Variants in PRDM16 observed in about 807,000 individuals in gnomAD.
PRDM16 encodes the protein histone-lysine N-methyltransferase PRDM16.
A neutral mutation model predicts 110.6 loss-of-function variants in PRDM16; 23 were observed. The observed-to-expected ratio is 0.21, with a 90% confidence interval of 0.15 to 0.29. The LOEUF (loss-of-function observed/expected upper bound fraction) is 0.29, where lower values mean the gene tolerates loss of function less well. PRDM16 is among the 10% of genes least tolerant of loss of function. The pLI is 1.00. For missense variants in PRDM16, 1,615 were observed against 1,794.3 expected, an observed-to-expected ratio of 0.90 and a Z score of 1.81; for synonymous variants, 799 against 781.8, an observed-to-expected ratio of 1.02 and a Z score of -0.37.
chr1:3,265,704 A>T lies in PRDM16; in HGVS notation c.438+21567A>T, dbSNP rs1443279058. Among the ~76,000 whole-genome samples the T allele has an allele frequency of 3.3e-5, 5 of 151,994 alleles. No homozygotes were observed. Among genetic ancestry groups the T allele is most frequent in the African/African-American group, 1.2e-4 (5 of 41,364 alleles). ...CTGGGTTTGTCCTGGGAAGGTGAGG[A>T]TGGGAGCTGACTGTGGTTAATCAGG... On this transcript the variant is annotated intron_variant, in intron 3 of 16. Coordinates refer to ENST00000270722, the MANE Select transcript of PRDM16 (RefSeq NM_022114.4). This position sits in a 1 kb window ranked among gnomAD's most constrained non-coding sequence, Gnocchi z 4.5.
chr1:3,421,933 C>CGGACAGACAGGA (rs1450603569), intron 12 of PRDM16, among the ~76,000 whole-genome samples: 1 of 53,470 alleles, frequency 1.9e-5, no homozygotes, highest in Non-Finnish European at 6.1e-5. Flanking sequence ...GACAGGCAGG[C>CGGACAGACAGGA]AGACAGACAG....
chr1:3,083,353 T>C (rs1401156260), intron 1 of PRDM16, among the ~76,000 whole-genome samples: 1 of 152,196 alleles, frequency 6.6e-6, no homozygotes, highest in Admixed American at 6.5e-5. Flanking sequence ...TTCAAGGCAG[T>C]GCGGCCATCT....
chr1:3,204,326 C>T (rs1015057906), intron 2 of PRDM16, among the ~76,000 whole-genome samples: 2 of 152,108 alleles, frequency 1.3e-5, no homozygotes, highest in African/African-American at 2.4e-5. Context: ...GCCTGCTCCC[C>T]GCAGGGCTCC....
chr1:3,380,659 G>A (rs1218050281), intron 3 of PRDM16, among the ~76,000 whole-genome samples: 8 of 152,144 alleles, frequency 5.3e-5, no homozygotes, highest in African/African-American at 1.7e-4. Context: ...GTTCAGACAC[G>A]CTTGAGAGAG....
At chr1:3,415,248 C>T (rs1355046502) in intron 10 of PRDM16, among the ~76,000 whole-genome samples, 4 of 152,204 alleles carry the variant, frequency 2.6e-5, no homozygotes, top group Non-Finnish European at 5.9e-5. Context: ...AGCAGGTGGG[C>T]AGCATGGCCA....
chr1:3,225,530 C>CTGTGTG (rs57169358), intron 2 of PRDM16, among the ~76,000 whole-genome samples: 29 of 139,116 alleles, frequency 2.1e-4, no homozygotes, highest in South Asian at 5.0e-4. Flanking sequence ...TGCAGCTTGC[C>CTGTGTG]TGTGTGTGTG....
chr1:3,378,579 T>G (rs1311207380), intron 3 of PRDM16, among the ~76,000 whole-genome samples: 1 of 152,060 alleles, frequency 6.6e-6, no homozygotes, highest in South Asian at 2.1e-4. Flanking sequence ...AAATGTACCA[T>G]GGGGCAGCAA....
At position 3,125,546 on chromosome 1, in the gene PRDM16, GGA is replaced by G. The variant is rs1271273344; in HGVS notation, c.37+56251_37+56252del. On this transcript the variant is annotated intron_variant, in intron 1 of 16. Coordinates refer to ENST00000270722, the MANE Select transcript of PRDM16 (RefSeq NM_022114.4). Reference sequence around the variant, plus strand: ...CGCTCTGAAGCACAGGCCTCTGGGGGGACCGGCCCTGCCTGGCGCTCGCCAAG... The same window carrying G: ...CGCTCTGAAGCACAGGCCTCTGGGGGCCGGCCCTGCCTGGCGCTCGCCAAG... Among the ~76,000 whole-genome samples, 24 of 152,388 alleles carry G rather than the reference GGA, an allele frequency of 1.6e-4. No homozygotes were observed. The East Asian group carries it at 4.6e-3, about 29-fold the overall frequency.
At chr1:3,421,276 C>G (rs1042646607) in intron 12 of PRDM16, among the ~76,000 whole-genome samples, 4 of 152,162 alleles carry the variant, frequency 2.6e-5, no homozygotes, top group African/African-American at 9.7e-5. Flanking sequence ...CTGGCCACCC[C>G]CCCTGACCTG....
In PRDM16 at chr1:3,425,650, C is replaced by G; in HGVS notation, c.3009C>G (p.Asn1003Lys). 6.2e-7 allele frequency: 1 copy of G among 1,613,990 alleles called. No homozygotes were observed. Among genetic ancestry groups the G allele is most frequent in the Non-Finnish European group, 8.5e-7 (1 of 1,179,966 alleles). ...AGCGGCACGTCCGGAACATCCACAA[C>G]AAGGAGAAGCCTTTCAAGTGCCACC... The part of the protein sequence containing the change: ...NLQRHVRNIH[N>K]KEKPFKCHLC... Residue 1003 changes from asparagine (N) to lysine (K), a missense_variant, in exon 13 of 17, where the codon AAC becomes AAG. Physicochemically the swap from Asn to Lys is moderately conservative, Grantham distance 94 (BLOSUM62 0). Coordinates refer to ENST00000270722, the MANE Select transcript of PRDM16 (RefSeq NM_022114.4). The surrounding 1 kb of genome is among the most constrained non-coding windows in gnomAD (Gnocchi z 6.9).
chr1:3,416,465 G>T (rs532575183), intron 10 of PRDM16, among the ~76,000 whole-genome samples: 81 of 152,298 alleles, frequency 5.3e-4, no homozygotes, highest in Non-Finnish European at 1.0e-3. Flanking sequence ...AGCCCTATAT[G>T]AAGCCCCTTG....
chr1:3,231,901 A>C (rs949898371), intron 2 of PRDM16, among the ~76,000 whole-genome samples: 7 of 152,218 alleles, frequency 4.6e-5, no homozygotes, highest in Non-Finnish European at 2.9e-5. Context: ...GGCTGCAGCC[A>C]CAGTTGCATG....
At chr1:3,232,560 G>A (rs772630827) in intron 2 of PRDM16, among the ~76,000 whole-genome samples, 4 of 152,114 alleles carry the variant, frequency 2.6e-5, no homozygotes, top group African/African-American at 9.7e-5. Context: ...TCAGAAATGC[G>A]AGTCCACAAA....
intron 1 of PRDM16, among the ~76,000 whole-genome samples, chr1:3,177,689 A>T (rs992949677): frequency 6.6e-6 from 1 of 152,226 alleles, no homozygotes; most frequent in African/African-American, 2.4e-5. Context: ...TGCTCCTGGA[A>T]TCATTCTAGA....
At chr1:3,417,190 C>T (rs1246991010) in intron 10 of PRDM16, among the ~76,000 whole-genome samples, 1 of 152,216 alleles carries the variant, frequency 6.6e-6, no homozygotes, top group Non-Finnish European at 1.5e-5. Context: ...TGCCCTGTGT[C>T]ATGTGACATG....
intron 3 of PRDM16, among the ~76,000 whole-genome samples, chr1:3,373,234 C>T (rs769134714): frequency 2.6e-5 from 4 of 152,240 alleles, no homozygotes; most frequent in East Asian, 1.9e-4. Context: ...GCTGCAGTGC[C>T]GGCGGGAAAC....
intron 4 of PRDM16, among the ~76,000 whole-genome samples, chr1:3,387,736 C>T (rs1384895769): frequency 6.6e-6 from 1 of 152,242 alleles, no homozygotes; most frequent in Non-Finnish European, 1.5e-5. Context: ...GCAGCTTCTT[C>T]TCCTGAAATC....
At chr1:3,400,060 A>G (rs1643441754) in intron 5 of PRDM16, among the ~76,000 whole-genome samples, 1 of 152,210 alleles carries the variant, frequency 6.6e-6, no homozygotes, top group Non-Finnish European at 1.5e-5. Flanking sequence ...GATGGTGAGC[A>G]TCCCTCTATC....
At chr1:3,114,187 ACACACGCACACGCACG>A (rs1219985609) in intron 1 of PRDM16, among the ~76,000 whole-genome samples, 17 of 96,498 alleles carry the variant, frequency 1.8e-4, no homozygotes, top group Admixed American at 1.3e-3. Context: ...ACACACACGC[ACACACGCACACGCACG>A]CACACACGCA....
Sources: gnomAD v4.1 joint callset for allele counts (sites outside exome capture counted in the v4.1 genomes callset) on GRCh38, gnomAD v4.1.1 for gene constraint, Gnocchi (gnomAD v3.1) non-coding constraint, MANE v1.5 for transcripts, NCBI Gene and HGNC (gene_info 2026-07-23, HGNC 2026-07-21) for gene names.